Variants in DEPDC4 observed in about 807,000 individuals in gnomAD.
DEPDC4 encodes DEP domain containing 4.
A neutral mutation model predicts 52.0 loss-of-function variants in DEPDC4; 52 were observed. The observed-to-expected ratio is 1.00, with a 90% CI of 0.80 to 1.26. The LOEUF (loss-of-function observed/expected upper bound fraction) is 1.26. Ranked by LOEUF, DEPDC4 falls within the 50% of genes most tolerant of loss-of-function variation. The probability of loss-of-function intolerance (pLI) is 0.00; values close to 1 mark genes in which losing one functional copy is unlikely to be tolerated. For missense variants in DEPDC4, 530 were observed against 546.9 expected (o/e 0.97, Z 0.31); for synonymous variants, 201 against 196.8 (o/e 1.02, Z -0.18).
chr12:100,264,147 C>G (rs2096263808), intron 1 of DEPDC4, among the ~76,000 whole-genome samples: 1 of 152,162 alleles, frequency 6.6e-6, no homozygotes. Context: ...TTTATATACC[C>G]TTATTACATG....
chr12:100,234,510 G>A (rs1466432643), intron 9 of DEPDC4, among the ~76,000 whole-genome samples: 1 of 152,082 alleles, frequency 6.6e-6, no homozygotes, highest in African/African-American at 2.4e-5. Context: ...TTGACGGTGG[G>A]GGCTTCTTGC....
downstream of DEPDC4, among the ~76,000 whole-genome samples, chr12:100,235,924 T>C (rs1031634314): frequency 6.6e-6 from 1 of 152,216 alleles, no homozygotes; most frequent in African/African-American, 2.4e-5. Flanking sequence ...CTCCCACTTA[T>C]GAAGGAGAAC....
chr12:100,258,195 G>A (rs1425493213), intron 3 of DEPDC4, among the ~76,000 whole-genome samples: 3 of 151,684 alleles, frequency 2.0e-5, no homozygotes, highest in Non-Finnish European at 4.4e-5. Context: ...AGTGATTTGA[G>A]GAAAAAGTAA....
chr12:100,269,395 C>T (rs973193804), upstream of DEPDC4, among the ~76,000 whole-genome samples: 1 of 152,060 alleles, frequency 6.6e-6, no homozygotes, highest in African/African-American at 2.4e-5. Flanking sequence ...GATTAGAATA[C>T]ATTCTCCTGA....
At chr12:100,254,503 T>C (rs929063249) in intron 4 of DEPDC4, among the ~76,000 whole-genome samples, 3 of 151,902 alleles carry the variant, frequency 2.0e-5, no homozygotes, top group African/African-American at 7.3e-5. Context: ...TTTTTGTATT[T>C]TGCATAGAGA....
At chr12:100,250,925 A>C (rs1311978343) in intron 7 of DEPDC4, among the ~76,000 whole-genome samples, 1 of 152,156 alleles carries the variant, frequency 6.6e-6, no homozygotes, top group Non-Finnish European at 1.5e-5. Flanking sequence ...ACCTTTTAAA[A>C]TATGTTTCAT....
intron 4 of DEPDC4, 93 bp from the exon 5 acceptor site, chr12:100,253,808 T>C: frequency 1.6e-6 from 1 of 617,510 alleles, no homozygotes. Flanking sequence ...ATCTGGCTTA[T>C]TTAAGCTAGA....
At chr12:100,270,154 T>C (rs950147309), upstream of DEPDC4, among the ~76,000 whole-genome samples, 3 of 151,908 alleles carry the variant, frequency 2.0e-5, no homozygotes, top group Middle Eastern at 3.2e-3. Context: ...GCCTGGCTAA[T>C]TTTTTGTATT....
chr12:100,255,042 C>T (rs1313706037), intron 4 of DEPDC4, among the ~76,000 whole-genome samples: 1 of 152,172 alleles, frequency 6.6e-6, no homozygotes. Flanking sequence ...CTTTTTTTCT[C>T]CTGACAGATG....
At chr12:100,253,855 TTTCAATACATTTTGCTG>T in intron 4 of DEPDC4, 140 bp from the exon 5 acceptor site, 1 of 401,016 alleles carries the variant, frequency 2.5e-6, no homozygotes, top group Non-Finnish European at 4.5e-6. Context: ...GGGAGAAGCA[TTTCAATACATTTTGCTG>T]GATGAGTGAA....
At chr12:100,256,764 C>T (rs944648902) in intron 3 of DEPDC4, among the ~76,000 whole-genome samples, 2 of 151,900 alleles carry the variant, frequency 1.3e-5, no homozygotes, top group Admixed American at 6.6e-5. Flanking sequence ...GCCTCAGCCT[C>T]CTGAGTAGCT....
chr12:100,241,860 AAAAAAC>A lies in DEPDC4; in HGVS notation c.*47-21_*47-16del. 1.4e-5 allele frequency: 17 copies of A among 1,199,832 alleles called. No homozygotes were observed. Among genetic ancestry groups the A allele is most frequent in the Non-Finnish European group, 1.7e-5 (16 of 950,596 alleles). 74.3% of individuals were successfully genotyped at this position (1,199,832 alleles called of 1,614,324 possible). On this transcript the variant is annotated splice_polypyrimidine_tract_variant and intron_variant, in intron 9 of 9. Coordinates refer to ENST00000550587, the MANE Select transcript of DEPDC4 (RefSeq NM_001364818.2). ...AAACGTAAAGCCTGGAAAAAAAAAAAAAAAACAAAAGAAAAAGAAAAGTACCACTGG... is the reference window on the plus strand; with the variant it reads ...AAACGTAAAGCCTGGAAAAAAAAAAAAAAAGAAAAAGAAAAGTACCACTGG...
chr12:100,244,091 C>CTA (rs2096172627), intron 8 of DEPDC4, among the ~76,000 whole-genome samples: 2 of 34,990 alleles, frequency 5.7e-5, no homozygotes, highest in South Asian at 1.6e-3. Flanking sequence ...CTCTCTCTCT[C>CTA]TGTGTATATA....
chr12:100,256,101 T>A lies in DEPDC4; in HGVS notation c.826A>T (p.Ile276Phe). 6.2e-7 allele frequency: 1 copy of A among 1,613,348 alleles called. No individual in the cohort carries two copies. The highest frequency in any genetic ancestry group is 1.1e-5 in the South Asian group (1 of 91,046). ...LQLNKEEDLV[I>F]TNTCLDRELI... is the part of the protein sequence containing the mutation. ...TCTCTGTCTAGGCAAGTGTTAGTGA[T>A]AACAAGATCTTCCTCTTTGTTTAGT... The change falls in exon 4 of 10, where the codon ATC (isoleucine) becomes TTC (phenylalanine). Residue 276 changes from isoleucine (I) to phenylalanine (F), a missense_variant. Transcript: ENST00000550587.
the DEPDC4 span, among the ~76,000 whole-genome samples, chr12:100,279,133 G>A: frequency 7.5e-4 from 114 of 152,318 alleles, no homozygotes; most frequent in African/African-American, 2.6e-3. Flanking sequence ...ACCAGGGACC[G>A]GATTCGTGGA....
At position 100,266,095 on chromosome 12, in the gene DEPDC4, T is replaced by C. The variant is rs2096271683; in HGVS notation, c.157+825A>G. ...AAAATTAAATTTAATTAAAATTAAT[T>C]AAAAAAATTAAAGAATGATAAGGGA... On this transcript the variant is annotated intron_variant, in intron 1 of 9. Coordinates refer to ENST00000550587, the MANE Select transcript of DEPDC4 (RefSeq NM_001364818.2). Among the ~76,000 whole-genome samples, 7 of 152,228 alleles carry C rather than the reference T, an allele frequency of 4.6e-5. No individual in the cohort carries two copies. In the South Asian group the frequency reaches 1.2e-3, roughly 27 times the overall value.
At chr12:100,252,366 T>C (rs762407296) in intron 6 of DEPDC4, 28 bp downstream of exon 6, 1 of 1,517,450 alleles carries the variant, frequency 6.6e-7, no homozygotes, top group Non-Finnish European at 8.8e-7. Context: ...CAAAAAAAAA[T>C]GGCAAAACTT....
At position 100,257,468 on chromosome 12, in the gene DEPDC4, C is replaced by CAGG. The variant is rs1407855501; in HGVS notation, c.701-1245_701-1243dup. On this transcript the variant is annotated intron_variant, in intron 3 of 9. Coordinates refer to ENST00000550587, the MANE Select transcript of DEPDC4 (RefSeq NM_001364818.2). ...ATGGCACACCACAGCCTCTGCCTCC[C>CAGG]AGGTTCAGGAGGTTCACCTGCCTCA... Among the ~76,000 whole-genome samples, 5 of 152,058 alleles carry CAGG rather than the reference C, an allele frequency of 3.3e-5. No individual in the cohort carries two copies. In the East Asian group the frequency reaches 9.7e-4, roughly 29 times the overall value.
At chr12:100,275,616 T>C in the DEPDC4 span, among the ~76,000 whole-genome samples, 1 of 152,228 alleles carries the variant, frequency 6.6e-6, no homozygotes, top group African/African-American at 2.4e-5. Context: ...TATGCAGTTG[T>C]GTCATTTGGG....
Sources: gnomAD v4.1 joint callset for allele counts (sites outside exome capture counted in the v4.1 genomes callset) on GRCh38, gnomAD v4.1.1 for gene constraint, MANE v1.5 for transcripts, NCBI Gene and HGNC (gene_info 2026-07-23, HGNC 2026-07-21) for gene names.